LBP: variants seen among roughly 807,000 people sequenced by gnomAD.
LBP encodes lipopolysaccharide binding protein, also known as lipopolysaccharide-binding protein.
LBP carries 53 observed loss-of-function variants against 56.6 expected under a neutral mutation model. The ratio of observed to expected loss-of-function variants is 0.94; its 90% confidence interval spans 0.75 to 1.18. The LOEUF is 1.18. Among genes scored for constraint, LBP ranks in the 50% most tolerant of loss-of-function variants. The probability of loss-of-function intolerance (pLI) is 0.00; values close to 1 mark genes in which losing one functional copy is unlikely to be tolerated. For missense variants in LBP, 601 were observed against 598.3 expected, an observed-to-expected ratio of 1.00 and a Z score of -0.05; for synonymous variants, 227 against 247.5, an observed-to-expected ratio of 0.92 and a Z score of 0.78.
chr20:38,360,889 G>T lies in LBP; in HGVS notation c.652+122G>T, dbSNP rs574484429. The stretch of plus-strand genomic sequence containing the variant: ...AGAAAGTAAAAATTAAGGGCCAGGC[G>T]CAGCGGCTCACACCTGTAATCTCAG... On this transcript the variant is annotated intron_variant, in intron 6 of 14. Transcript: ENST00000217407. 4.4e-6 allele frequency: 3 copies of T among 686,098 alleles called. No individual in the cohort carries two copies. In the South Asian group the frequency reaches 6.1e-5, roughly 14 times the overall value. The allele number at this position is 686,098 out of a possible 1,614,324, so 42.5% of individuals were successfully genotyped here. A position where few individuals can be genotyped will look rare whatever the true frequency, so the allele number is the denominator to read the frequency against.
intron 6 of LBP, among the ~76,000 whole-genome samples, chr20:38,362,160 G>A (rs1291739014): frequency 1.4e-5 from 2 of 147,112 alleles, no homozygotes; most frequent in African/African-American, 2.5e-5. Context: ...GCGATTTCAC[G>A]CCATTCTCCT....
chr20:38,353,342 G>C (rs1423109770), intron 3 of LBP, among the ~76,000 whole-genome samples: 1 of 152,098 alleles, frequency 6.6e-6, no homozygotes, highest in African/African-American at 2.4e-5. Context: ...CCTTCCCCCA[G>C]CTCCAGACAA....
intron 5 of LBP, among the ~76,000 whole-genome samples, chr20:38,356,589 T>C (rs949632448): frequency 6.6e-6 from 1 of 152,088 alleles, no homozygotes; most frequent in African/African-American, 2.4e-5. Context: ...TCCCTGGGAT[T>C]AAGTGACCCT....
chr20:38,362,507 G>C (rs1479919223), intron 6 of LBP, among the ~76,000 whole-genome samples: 1 of 151,426 alleles, frequency 6.6e-6, no homozygotes. Flanking sequence ...CAGCTACTCG[G>C]GAGGCTGAGG....
chr20:38,371,250 CA>C (rs1394201281), intron 11 of LBP, 29 bp from the exon 12 acceptor site: 1 of 1,601,822 alleles, frequency 6.2e-7, no homozygotes. Flanking sequence ...ATAAAGCCCA[CA>C]CCTTTTAATC....
rs758387933 is a variant in LBP, at chr20:38,355,452, G to A, written c.588+43G>A. 6.4e-6 allele frequency: 10 copies of A among 1,560,966 alleles called. No individual in the cohort carries two copies. In the East Asian group the frequency reaches 1.6e-4, roughly 24 times the overall value. ...TCTGGCCTCCCCCGAGCTTGGCGAG[G>A]GCTGAATGGAAGACCTCACTGACCA... is the stretch of plus-strand genomic sequence containing the variant. On this transcript the variant is annotated intron_variant, in intron 5 of 14. Coordinates refer to ENST00000217407, the MANE Select transcript of LBP (RefSeq NM_004139.5).
intron 6 of LBP, among the ~76,000 whole-genome samples, chr20:38,363,298 G>A (rs1169510528): frequency 6.6e-6 from 1 of 152,180 alleles, no homozygotes; most frequent in Non-Finnish European, 1.5e-5. Context: ...TAACAGCCGT[G>A]TAGTGTTCCA....
At chr20:38,364,902 C>G (rs1600727979) in intron 8 of LBP, 150 bp downstream of exon 8, 1 of 787,610 alleles carries the variant, frequency 1.3e-6, no homozygotes, top group East Asian at 2.7e-5. Context: ...GCACAATCTC[C>G]CTTTTTACTT....
Position 38,363,794 on chromosome 20 carries a change from C to T in LBP, c.653-181C>T, listed in dbSNP as rs183238087. ...GAGCATACACCCCCACCATTGTTAA[C>T]TCATCCAAGGGAATCCATGTAGTGT... On this transcript the variant is annotated intron_variant, in intron 6 of 14. Transcript: ENST00000217407. Among the ~76,000 whole-genome samples, 43 of 152,268 alleles carry T rather than the reference C, an allele frequency of 2.8e-4. 2 individuals are homozygous for T. The East Asian group carries it at 7.5e-3, about 27-fold the overall frequency.
At chr20:38,372,971 A>G in intron 12 of LBP, 101 bp from the exon 13 acceptor site, 3 of 889,394 alleles carry the variant, frequency 3.4e-6, no homozygotes, top group Non-Finnish European at 5.7e-6. Flanking sequence ...GCATGATGTA[A>G]TACTAGTTTG....
intron 3 of LBP, among the ~76,000 whole-genome samples, chr20:38,351,342 T>A (rs1168231900): frequency 3.3e-5 from 5 of 152,126 alleles, no homozygotes; most frequent in Non-Finnish European, 7.3e-5. Context: ...GTCAGCCTGG[T>A]GGGCAAGTGA....
rs1600721988 is a variant in LBP at position 38,350,705 on chromosome 20, G to T, written c.240-106G>T. On this transcript the variant is annotated intron_variant, in intron 2 of 14. Coordinates refer to ENST00000217407, the MANE Select transcript of LBP (RefSeq NM_004139.5). ...GCACAGCAGGTGCTTACCTGGAGCA[G>T]ATCCTGCTGGTCTAGTCCCCACTGT... 1.1e-5 allele frequency: 14 copies of T among 1,319,006 alleles called. No homozygotes were observed. The East Asian group carries it at 3.3e-4, about 31-fold the overall frequency. 81.7% of individuals were successfully genotyped at this position (1,319,006 alleles called of 1,614,324 possible). A position where few individuals can be genotyped will look rare whatever the true frequency, so the allele number is the denominator to read the frequency against.
intron 3 of LBP, among the ~76,000 whole-genome samples, 191 bp from the exon 4 acceptor site, chr20:38,354,093 C>T (rs2076829935): frequency 6.6e-6 from 1 of 152,108 alleles, no homozygotes; most frequent in Non-Finnish European, 1.5e-5. Flanking sequence ...CTAGAAAGGC[C>T]TTCATCCAGC....
At chr20:38,353,127 C>T (rs1023162923) in intron 3 of LBP, among the ~76,000 whole-genome samples, 1 of 152,086 alleles carries the variant, frequency 6.6e-6, no homozygotes, top group African/African-American at 2.4e-5. Context: ...TGACTATCTA[C>T]CTCATTTTTT....
intron 9 of LBP, 72 bp downstream of exon 9, chr20:38,366,900 T>A (rs2076884383): frequency 1.5e-6 from 2 of 1,340,086 alleles, no homozygotes; most frequent in Non-Finnish European, 2.1e-6. Flanking sequence ...CTTTAAAACC[T>A]CTGCATCTCT....
intron 7 of LBP, 98 bp from the exon 8 acceptor site, chr20:38,364,478 C>A: frequency 8.9e-7 from 1 of 1,127,648 alleles, no homozygotes; most frequent in Non-Finnish European, 1.3e-6. Context: ...GGCAGTGTTC[C>A]AGCCAGCGTC....
At chr20:38,374,240 A>G (rs1176186792) in intron 14 of LBP, among the ~76,000 whole-genome samples, 4 of 152,204 alleles carry the variant, frequency 2.6e-5, no homozygotes, top group African/African-American at 9.6e-5. Context: ...ACACAGCCCT[A>G]TGCCACCACC....
rs190011432 is a variant in LBP, at chr20:38,352,024, C to T, written c.368+1085C>T. Among the ~76,000 whole-genome samples, 406 of 146,550 alleles carry T rather than the reference C, an allele frequency of 2.8e-3. 3 individuals are homozygous for T. Among genetic ancestry groups the T allele is most frequent in the Non-Finnish European group, 3.3e-3 (221 of 67,062 alleles). On this transcript the variant is annotated intron_variant, in intron 3 of 14. Transcript: ENST00000217407. ...CTGTACTCCAGCCTGGGGGACAGAGCGAGACTCCATCTCTAAAAAAAAAAA... is the reference window on the plus strand; with the variant it reads ...CTGTACTCCAGCCTGGGGGACAGAGTGAGACTCCATCTCTAAAAAAAAAAA...
At chr20:38,352,908 TC>T (rs1414042983) in intron 3 of LBP, among the ~76,000 whole-genome samples, 1 of 152,152 alleles carries the variant, frequency 6.6e-6, no homozygotes, top group Non-Finnish European at 1.5e-5. Context: ...AAAATTAATT[TC>T]AGCTCTTTCT....
Sources: allele counts gnomAD v4.1 joint callset (sites outside exome capture counted in the v4.1 genomes callset), GRCh38; gene constraint gnomAD v4.1.1; transcripts MANE v1.5; gene names NCBI Gene and HGNC (gene_info 2026-07-23, HGNC 2026-07-21).